CDK13: variants seen among roughly 807,000 people sequenced by gnomAD.
The protein encoded by CDK13 is cyclin-dependent kinase 13.
In CDK13, 40 loss-of-function variants were observed where a neutral mutation model predicts 137.6. The ratio of observed to expected loss-of-function variants is 0.29; its 90% confidence interval spans 0.23 to 0.38. The LOEUF (loss-of-function observed/expected upper bound fraction) is 0.38. CDK13 is among the 10% of genes least tolerant of loss of function. CDK13 has a pLI of 1.00. For missense variants in CDK13, 1,704 were observed against 1,951.8 expected, an observed-to-expected ratio of 0.87 and a Z score of 2.39; for synonymous variants, 869 against 760.1, an observed-to-expected ratio of 1.14 and a Z score of -2.36.
In CDK13 at chr7:40,093,996, T is replaced by C. The variant is rs17496784; in HGVS notation, c.3689-134T>C. On this transcript the variant is annotated intron_variant, in intron 13 of 13. Coordinates refer to ENST00000181839, the MANE Select transcript of CDK13 (RefSeq NM_003718.5). ...ACCATAGTACTTGTAAACTTTTTGCTTTTTTCATTTAACATTTTGCCAGAG... is the reference window on the plus strand; with the variant it reads ...ACCATAGTACTTGTAAACTTTTTGCCTTTTTCATTTAACATTTTGCCAGAG... 8.4e-3 allele frequency: 9,068 copies of C among 1,080,026 alleles called. 86 individuals are homozygous for C. Among genetic ancestry groups the C allele is most frequent in the South Asian group, 0.03 (1,786 of 59,586 alleles). 66.9% of individuals were successfully genotyped at this position (1,080,026 alleles called of 1,614,324 possible). A position where few individuals can be genotyped will look rare whatever the true frequency, so the allele number is the denominator to read the frequency against.
intron 11 of CDK13, among the ~76,000 whole-genome samples, chr7:40,079,912 A>AG (rs774678822): frequency 5.9e-5 from 9 of 152,168 alleles, no homozygotes; most frequent in South Asian, 2.1e-4. Flanking sequence ...TTTGGGGAGT[A>AG]GGGGGGAAGG....
intron 3 of CDK13, chr7:39,998,220 T>TA (rs1163421121): frequency 2.1e-5 from 3 of 145,236 alleles, no homozygotes; most frequent in African/African-American, 7.5e-5. Context: ...TTTTTTTTTT[T>TA]AACTTCTTAA....
chr7:39,966,463 G>T (rs1192350933), intron 1 of CDK13, among the ~76,000 whole-genome samples: 1 of 152,012 alleles, frequency 6.6e-6, no homozygotes, highest in African/African-American at 2.4e-5. Flanking sequence ...GCTCCATCAG[G>T]TCCTTTAAGG....
chr7:40,013,097 T>A (rs1784930821), intron 5 of CDK13, among the ~76,000 whole-genome samples: 1 of 151,974 alleles, frequency 6.6e-6, no homozygotes, highest in Non-Finnish European at 1.5e-5. Flanking sequence ...TGAAGGAAAT[T>A]TTTACACATG....
chr7:39,979,777 G>A (rs541437272), intron 1 of CDK13, among the ~76,000 whole-genome samples: 3 of 152,198 alleles, frequency 2.0e-5, no homozygotes, highest in Admixed American at 6.5e-5. Context: ...TATCTGGATG[G>A]GTCCTGTGTA....
chr7:39,986,888 AG>A (rs890172514), intron 1 of CDK13: 9 of 152,310 alleles, frequency 5.9e-5, no homozygotes, highest in African/African-American at 2.2e-4. Context: ...CCCAGGTTCA[AG>A]TAATTCTCCT....
chr7:39,987,773 A>T lies in CDK13; in HGVS notation c.1386A>T (p.Ala462=). The stretch of plus-strand genomic sequence containing the variant: ...ACAAGAATAAAAAAGCACGAGCAGC[A>T]GAGGCAGCAAGAGCCGCAGAAGCAG... ...ELNKNKKARA[A]EAARAAEAAK... Residue 462 remains alanine (A), a synonymous_variant, in exon 2 of 14, where the codon GCA becomes GCT. Transcript: ENST00000181839. The T allele has an allele frequency of 6.2e-7, 1 of 1,614,152 alleles. No individual in the cohort carries two copies. Among genetic ancestry groups the T allele is most frequent in the Non-Finnish European group, 8.5e-7 (1 of 1,180,006 alleles).
intron 9 of CDK13, among the ~76,000 whole-genome samples, chr7:40,068,896 A>C (rs1217308667): frequency 6.6e-6 from 1 of 152,030 alleles, no homozygotes; most frequent in Non-Finnish European, 1.5e-5. Flanking sequence ...TTTCTAGTTT[A>C]TATATTTCAG....
chr7:40,001,948 G>A lies in CDK13; in HGVS notation c.2270G>A (p.Arg757Gln). 1.2e-6 allele frequency: 2 copies of A among 1,609,680 alleles called. No individual in the cohort carries two copies. Among genetic ancestry groups the A allele is most frequent in the Non-Finnish European group, 1.7e-6 (2 of 1,176,386 alleles). Reference protein sequence around the residue: ...ITAIREIKILRQLTHQSIINM... With the variant: ...ITAIREIKILQQLTHQSIINM... ...GCAATTCGAGAAATTAAAATTCTCC[G>A]GCAGCTTACCCATCAGAGTATTATC... The change falls in exon 5 of 14, where the codon CGG becomes CAG. Residue 757 changes from arginine to glutamine, a missense_variant. Transcript: ENST00000181839.
intron 5 of CDK13, among the ~76,000 whole-genome samples, chr7:40,044,531 C>T (rs539364804): frequency 2.0e-5 from 3 of 152,026 alleles, no homozygotes; most frequent in Non-Finnish European, 2.9e-5. Flanking sequence ...GTTGCCCAGG[C>T]TGGTTTCATG....
Position 40,094,755 on chromosome 7 carries a change from A to G in CDK13, c.4314A>G (p.Ala1438=). ...GCCATGGTCCTATTGCAGTCCTGGCAAACAGCAGTGACCCTTCCACGGGGC... is the reference window on the plus strand; with the variant it reads ...GCCATGGTCCTATTGCAGTCCTGGCGAACAGCAGTGACCCTTCCACGGGGC... ...EYSHGPIAVL[A]NSSDPSTGPE... is the part of the protein sequence containing the mutation. The change falls in exon 14 of 14, where the codon GCA becomes GCG. Residue 1438 remains alanine, a synonymous_variant. Coordinates refer to ENST00000181839, the MANE Select transcript of CDK13 (RefSeq NM_003718.5). 1 of 1,613,808 alleles carries G rather than the reference A, an allele frequency of 6.2e-7. No individual in the cohort carries two copies. Among genetic ancestry groups the G allele is most frequent in the African/African-American group, 1.3e-5 (1 of 75,052 alleles).
At chr7:40,068,857 C>A (rs961506858) in intron 9 of CDK13, among the ~76,000 whole-genome samples, 1 of 151,988 alleles carries the variant, frequency 6.6e-6, no homozygotes, top group South Asian at 2.1e-4. Context: ...CATGGACTTT[C>A]AAGAAGACTA....
chr7:40,091,236 T>C (rs1212769284), intron 12 of CDK13, among the ~76,000 whole-genome samples: 1 of 151,994 alleles, frequency 6.6e-6, no homozygotes. Flanking sequence ...TAGTCCCAGC[T>C]ACTCGGGAGG....
intron 5 of CDK13, among the ~76,000 whole-genome samples, chr7:40,008,319 C>G (rs569453711): frequency 7.9e-4 from 121 of 152,284 alleles, no homozygotes; most frequent in African/African-American, 2.9e-3. Context: ...CTACTGGCTA[C>G]ATTTTGGACA....
chr7:39,997,865 A>T (rs1784596668), intron 3 of CDK13: 1 of 485,938 alleles, frequency 2.1e-6, no homozygotes, highest in Non-Finnish European at 3.6e-6. Flanking sequence ...ACCAAATTTA[A>T]TTTTCTCTCG....
intron 9 of CDK13, among the ~76,000 whole-genome samples, chr7:40,076,777 A>G (rs536363482): frequency 1.3e-5 from 2 of 152,352 alleles, no homozygotes; most frequent in African/African-American, 2.4e-5. Context: ...ATGTCTGGCA[A>G]CTTGAGCCAT....
At chr7:39,971,630 C>CTCACGCCTGTAA (rs111915526) in intron 1 of CDK13, among the ~76,000 whole-genome samples, 150,863 of 152,004 alleles carry the variant, frequency 0.99, 74,874 homozygotes, top group East Asian at 1. Context: ...GGTGTGGTGG[C>CTCACGCCTGTAA]TCGCAGCACT....
rs1784379359 is a variant in CDK13 at position 39,988,099 on chromosome 7, C to T, written c.1712C>T (p.Ala571Val). 1.2e-6 allele frequency: 2 copies of T among 1,613,970 alleles called. No homozygotes were observed. The highest frequency in any genetic ancestry group is 1.7e-6 in the Non-Finnish European group (2 of 1,179,990). ...AVIVGKESKSAATKEESVSLK... is the reference protein window; with the variant it reads ...AVIVGKESKSVATKEESVSLK... Reference sequence around the variant, plus strand: ...ATAGTTGGAAAGGAGAGTAAATCTGCTGCTACAAAGGAGGAATCAGTATCT... The same window carrying T: ...ATAGTTGGAAAGGAGAGTAAATCTGTTGCTACAAAGGAGGAATCAGTATCT... Residue 571 changes from alanine to valine, a missense_variant, in exon 2 of 14, where the codon GCT becomes GTT. Transcript: ENST00000181839.
At chr7:40,013,371 G>C (rs1406063596) in intron 5 of CDK13, among the ~76,000 whole-genome samples, 3 of 152,124 alleles carry the variant, frequency 2.0e-5, no homozygotes, top group African/African-American at 7.2e-5. Flanking sequence ...TAATGCCACT[G>C]AACTGTACAT....
Sources: allele counts gnomAD v4.1 joint callset (sites outside exome capture counted in the v4.1 genomes callset), GRCh38; gene constraint gnomAD v4.1.1; transcripts MANE v1.5; gene names NCBI Gene and HGNC (gene_info 2026-07-23, HGNC 2026-07-21).